NRCAM: variants seen among roughly 807,000 people sequenced by gnomAD.
NRCAM encodes neuronal cell adhesion molecule, also known as NgCAM-related cell adhesion molecule.
A neutral mutation model predicts 156.5 loss-of-function variants in NRCAM; 83 were observed. The observed-to-expected ratio is 0.53, with a 90% CI of 0.44 to 0.64. The LOEUF (loss-of-function observed/expected upper bound fraction) is 0.64. NRCAM is among the 30% of genes least tolerant of loss of function. The pLI, the probability that NRCAM is intolerant of heterozygous loss-of-function variation, is 0.00. For missense variants in NRCAM, 1,417 were observed against 1,597.3 expected, an observed-to-expected ratio of 0.89 and a Z score of 1.92; for synonymous variants, 538 against 563.9, an observed-to-expected ratio of 0.95 and a Z score of 0.65.
At chr7:108,434,822 A>T (rs985087198) in intron 1 of NRCAM, among the ~76,000 whole-genome samples, 1 of 152,206 alleles carries the variant, frequency 6.6e-6, no homozygotes, top group African/African-American at 2.4e-5. Flanking sequence ...CTGAGTGGAG[A>T]CATCAGCAAT....
In NRCAM at chr7:108,404,721, T is replaced by C. The variant is rs775540061; in HGVS notation, c.-331-5128A>G. 3.9e-5 allele frequency among the ~76,000 whole-genome samples: 6 copies of C among 152,146 alleles called. No individual in the cohort carries two copies. The East Asian group carries it at 1.2e-3, about 29-fold the overall frequency. ...ATGCAATTTCAATATCCCCATCTAA[T>C]AGATGAGAAAACTGAGGCACAGAAA... On this transcript the variant is annotated intron_variant, in intron 1 of 32. Transcript: ENST00000379028.
upstream of NRCAM, chr7:108,456,484 C>G (rs567127969): frequency 1.3e-5 from 2 of 151,864 alleles, no homozygotes. Flanking sequence ...TCTCCGCTCC[C>G]CCTCCCCGCG....
In NRCAM at chr7:108,149,814, C is replaced by T; in HGVS notation, c.*96G>A. ...ATACTAACATACAGCAGAAAATATA[C>T]TCTCTACCCATATGTTCATAGTATG... On this transcript the variant is annotated 3_prime_UTR_variant, in exon 33 of 33. Transcript: ENST00000379028. 1.1e-6 allele frequency: 1 copy of T among 944,148 alleles called. No homozygotes were observed. The highest frequency in any genetic ancestry group is 1.6e-6 in the Non-Finnish European group (1 of 612,746). 58.5% of individuals were successfully genotyped at this position (944,148 alleles called of 1,614,324 possible). A position where few individuals can be genotyped will look rare whatever the true frequency, so the allele number is the denominator to read the frequency against.
At chr7:108,406,600 C>T (rs982731838) in intron 1 of NRCAM, among the ~76,000 whole-genome samples, 7 of 152,208 alleles carry the variant, frequency 4.6e-5, no homozygotes, top group Non-Finnish European at 2.9e-5. Context: ...ATGCAGCAAC[C>T]TGCTTATTTG....
chr7:108,406,675 A>AC (rs1382344997), intron 1 of NRCAM, among the ~76,000 whole-genome samples: 1 of 152,254 alleles, frequency 6.6e-6, no homozygotes, highest in African/African-American at 2.4e-5. Context: ...AAATGCCAGC[A>AC]CACTTCAACA....
At chr7:108,451,063 AC>A (rs1251740920) in intron 1 of NRCAM, among the ~76,000 whole-genome samples, 2 of 152,140 alleles carry the variant, frequency 1.3e-5, no homozygotes, top group African/African-American at 4.8e-5. Flanking sequence ...TACTAAAAAT[AC>A]AAAAATTAGC....
chr7:108,303,914 T>C (rs763428867), intron 3 of NRCAM, among the ~76,000 whole-genome samples: 6 of 152,248 alleles, frequency 3.9e-5, no homozygotes, highest in East Asian at 1.9e-4. Flanking sequence ...CATATTTTTG[T>C]ACTAATTACA....
At chr7:108,442,286 C>A (rs971243151) in intron 1 of NRCAM, among the ~76,000 whole-genome samples, 1 of 152,144 alleles carries the variant, frequency 6.6e-6, no homozygotes, top group Non-Finnish European at 1.5e-5. Context: ...GTAATTGATA[C>A]TCTGCCATTC....
intron 1 of NRCAM, among the ~76,000 whole-genome samples, chr7:108,455,914 G>A (rs1856795717): frequency 6.6e-6 from 1 of 152,222 alleles, no homozygotes; most frequent in Non-Finnish European, 1.5e-5. Flanking sequence ...CCCGGAAAGC[G>A]TGGGGTGCGG....
intron 1 of NRCAM, among the ~76,000 whole-genome samples, chr7:108,429,320 T>C (rs1821756855): frequency 6.6e-6 from 1 of 152,136 alleles, no homozygotes; most frequent in Admixed American, 6.5e-5. Context: ...GCCTCCTGAG[T>C]AGCTGGGATT....
intron 2 of NRCAM, among the ~76,000 whole-genome samples, chr7:108,384,455 T>C (rs1359716882): frequency 2.0e-5 from 3 of 152,170 alleles, no homozygotes; most frequent in Non-Finnish European, 2.9e-5. Context: ...AAGGTTGTAT[T>C]TGAACTTTTA....
intron 3 of NRCAM, among the ~76,000 whole-genome samples, chr7:108,295,813 A>T (rs2154133883): frequency 6.6e-6 from 1 of 152,342 alleles, no homozygotes; most frequent in Non-Finnish European, 1.5e-5. Context: ...CAACCACCAA[A>T]GTACCTCTGT....
At chr7:108,237,669 C>T (rs1376132148) in intron 5 of NRCAM, 83 bp downstream of exon 5, 2 of 995,096 alleles carry the variant, frequency 2.0e-6, no homozygotes, top group African/African-American at 3.3e-5. Flanking sequence ...TGAAATTGTG[C>T]ATTTAAATCA....
In NRCAM at chr7:108,225,700, C is replaced by T. The variant is rs2093324715; in HGVS notation, c.723G>A (p.Val241=). The T allele has an allele frequency of 6.3e-7, 1 of 1,588,932 alleles. No homozygotes were observed. Among genetic ancestry groups the T allele is most frequent in the Non-Finnish European group, 8.6e-7 (1 of 1,157,322 alleles). ...KQPISVKVIS[V]DELNDTIAAN... is the part of the protein sequence containing the mutation. ...CAGCTATAGTGTCATTCAATTCATC[C>T]ACTGAAATAAACAGAATATTATGAA... Residue 241 remains valine (V), a splice_region_variant and synonymous_variant, in exon 10 of 33, where the codon GTG becomes GTA. Coordinates refer to ENST00000379028, the MANE Select transcript of NRCAM (RefSeq NM_001037132.4).
intron 19 of NRCAM, among the ~76,000 whole-genome samples, chr7:108,190,981 T>C (rs1162593257): frequency 3.3e-5 from 5 of 152,196 alleles, no homozygotes; most frequent in Non-Finnish European, 5.9e-5. Flanking sequence ...TAAAAGGAAA[T>C]TGCATCAAAG....
chr7:108,375,922 C>T (rs1283948107), intron 2 of NRCAM, among the ~76,000 whole-genome samples: 1 of 152,092 alleles, frequency 6.6e-6, no homozygotes, highest in African/African-American at 2.4e-5. Context: ...CTGACAAACC[C>T]CCAGGAACAT....
intron 1 of NRCAM, among the ~76,000 whole-genome samples, chr7:108,421,224 G>A (rs957689402): frequency 1.3e-5 from 2 of 152,182 alleles, no homozygotes; most frequent in Admixed American, 6.5e-5. Context: ...AATATCTTAT[G>A]TTAGATGGAG....
Position 108,240,149 on chromosome 7 carries a change from T to TCACAA in NRCAM, c.-86_-85insTTGTG. ...TTTGTGAAACGTTGTGTGCAACGTTTAAGTAATTTTCATGCGGGAAACTGA... is the reference window on the plus strand; with the variant it reads ...TTTGTGAAACGTTGTGTGCAACGTTTCACAAAAGTAATTTTCATGCGGGAAACTGA... On this transcript the variant is annotated 5_prime_UTR_variant, in exon 4 of 33. An upstream open reading frame in the 5' UTR loses its in-frame stop. Coordinates refer to ENST00000379028, the MANE Select transcript of NRCAM (RefSeq NM_001037132.4). 1.2e-6 allele frequency: 1 copy of TCACAA among 865,262 alleles called. No homozygotes were observed. Among genetic ancestry groups the TCACAA allele is most frequent in the Non-Finnish European group, 1.9e-6 (1 of 528,596 alleles). The allele number at this position is 865,262 out of a possible 1,614,324, so 53.6% of individuals were successfully genotyped here.
chr7:108,275,735 C>T (rs1334484967), intron 3 of NRCAM, among the ~76,000 whole-genome samples: 1 of 152,178 alleles, frequency 6.6e-6, no homozygotes, highest in African/African-American at 2.4e-5. Context: ...CTATCTCCTT[C>T]AGTTCTGCTC....
Sources: allele counts gnomAD v4.1 joint callset (sites outside exome capture counted in the v4.1 genomes callset), GRCh38; gene constraint gnomAD v4.1.1; transcripts MANE v1.5; gene names NCBI Gene and HGNC (gene_info 2026-07-23, HGNC 2026-07-21).